PIEZO2: variants seen among roughly 807,000 people sequenced by gnomAD.
PIEZO2 encodes piezo-type mechanosensitive ion channel component 2.
Under a neutral mutation model 337.3 loss-of-function variants are expected in PIEZO2, and 172 were observed. That is an observed-to-expected ratio of 0.51 (90% confidence interval 0.45 to 0.58). PIEZO2 has a LOEUF of 0.58. Ranked by LOEUF, PIEZO2 falls within the 20% of genes least tolerant of loss-of-function variation. PIEZO2 has a pLI of 0.00. For synonymous variants in PIEZO2, 1,251 were observed against 1,228.5 expected (o/e 1.02, Z -0.38); for missense variants, 3,028 against 3,391.3 (o/e 0.89, Z 2.66).
In PIEZO2 at chr18:10,894,287, A is replaced by T. The variant is rs2042835030; in HGVS notation, c.329+16899T>A. Among the ~76,000 whole-genome samples, 1 of 151,464 alleles carries T rather than the reference A, an allele frequency of 6.6e-6. No homozygotes were observed. Among genetic ancestry groups the T allele is most frequent in the African/African-American group, 2.4e-5 (1 of 40,822 alleles). ...GCCAACATGGAGAAATCCCCTCTGT[A>T]CTAAAAATACAAAAAAAACAGCCAG... On this transcript the variant is annotated intron_variant, in intron 4 of 55. Coordinates refer to ENST00000674853, the MANE Select transcript of PIEZO2 (RefSeq NM_001378183.1). The surrounding 1 kb of genome is among the most constrained non-coding windows in gnomAD (Gnocchi z 4.1).
intron 2 of PIEZO2, among the ~76,000 whole-genome samples, chr18:10,999,820 T>G (rs762194850): frequency 1.3e-5 from 2 of 152,004 alleles, no homozygotes; most frequent in Non-Finnish European, 2.9e-5. Context: ...AAAAAGCAAA[T>G]TGATACATAA....
At chr18:10,680,130 C>T in intron 52 of PIEZO2, 69 bp downstream of exon 52, 1 of 1,362,122 alleles carries the variant, frequency 7.3e-7, no homozygotes, top group South Asian at 1.4e-5. Context: ...CCCACCACAC[C>T]CTCCCTCCCC....
At chr18:11,117,527 T>C (rs1294928324) in intron 1 of PIEZO2, among the ~76,000 whole-genome samples, 1 of 152,216 alleles carries the variant, frequency 6.6e-6, no homozygotes, top group Non-Finnish European at 1.5e-5. Flanking sequence ...GATCCTGTAC[T>C]GATTTACATA....
rs889137903 is a variant in PIEZO2, at chr18:10,702,249, T to C, written c.6259-78A>G. On this transcript the variant is annotated intron_variant, in intron 42 of 55. Coordinates refer to ENST00000674853, the MANE Select transcript of PIEZO2 (RefSeq NM_001378183.1). ...TACCTGTATATGGGAAAGAGCAATA[T>C]AACAATTAAGAAAGAGACCCGCATT... The C allele has an allele frequency of 2.1e-5, 29 of 1,365,536 alleles. No homozygotes were observed. In the African/African-American group the frequency reaches 2.4e-4, roughly 11 times the overall value. The allele number at this position is 1,365,536 out of a possible 1,614,324, so 84.6% of individuals were successfully genotyped here.
At chr18:10,884,558 C>G (rs997015860) in intron 4 of PIEZO2, among the ~76,000 whole-genome samples, 13 of 152,132 alleles carry the variant, frequency 8.5e-5, no homozygotes, top group Admixed American at 3.9e-4. Context: ...AAGTGAGAAG[C>G]AAAGCACTGG....
chr18:10,825,111 G>A (rs1482860926), intron 7 of PIEZO2, among the ~76,000 whole-genome samples: 3 of 152,058 alleles, frequency 2.0e-5, no homozygotes, highest in Non-Finnish European at 2.9e-5. Flanking sequence ...TGATCCACTC[G>A]CCTCGGCCTC....
chr18:10,696,259 A>G lies in PIEZO2; in HGVS notation c.7005T>C (p.Ser2335=), dbSNP rs965775173. ...CCGGGACCTGGTCCTCTGACAGTGA[A>G]GAGGTGATGTCTGCAGCTGCTGAGT... The part of the protein sequence containing the change: ...GKHSAAADIT[S]SLSEDQVPGP... Residue 2335 remains serine, a synonymous_variant, in exon 47 of 56, where the codon TCT becomes TCC. Coordinates refer to ENST00000674853, the MANE Select transcript of PIEZO2 (RefSeq NM_001378183.1). The G allele has an allele frequency of 1.9e-6, 3 of 1,614,108 alleles. No individual in the cohort carries two copies. Among genetic ancestry groups the G allele is most frequent in the African/African-American group, 1.3e-5 (1 of 74,938 alleles).
In PIEZO2 at chr18:11,081,543, G is replaced by T. The variant is rs546334256; in HGVS notation, c.65-15321C>A. Among the ~76,000 whole-genome samples, 320 of 152,272 alleles carry T rather than the reference G, an allele frequency of 2.1e-3. 2 individuals carry two copies. Among genetic ancestry groups the T allele is most frequent in the African/African-American group, 5.8e-3 (241 of 41,542 alleles). On this transcript the variant is annotated intron_variant, in intron 1 of 55. Transcript: ENST00000674853. ...GAAGTGCTTAACTAACACATGGGAT[G>T]CATTGCCATGATTTCACTGACCTCC...
intron 39 of PIEZO2, among the ~76,000 whole-genome samples, chr18:10,710,973 A>G (rs11663652): frequency 0.24 from 36,185 of 152,218 alleles, 4,907 homozygotes; most frequent in Non-Finnish European, 0.32. Flanking sequence ...AAATAAAAAT[A>G]CATTAAAACC....
At chr18:10,996,896 A>G (rs2035343032) in intron 2 of PIEZO2, among the ~76,000 whole-genome samples, 1 of 152,178 alleles carries the variant, frequency 6.6e-6, no homozygotes, top group South Asian at 2.1e-4. Flanking sequence ...TCCCAAATTT[A>G]TATCTCTGAC....
rs752881521 is a variant in PIEZO2, at chr18:11,092,813, C to T, written c.65-26591G>A. Among the ~76,000 whole-genome samples the T allele has an allele frequency of 1.3e-5, 2 of 152,150 alleles. No homozygotes were observed. The highest frequency in any genetic ancestry group is 2.9e-5 in the Non-Finnish European group (2 of 68,026). ...TTTATGGCATGAGGACCTTCTGTGG[C>T]CCCCTCATCCCTTCACAGGGCCACA... On this transcript the variant is annotated intron_variant, in intron 1 of 55. Coordinates refer to ENST00000674853, the MANE Select transcript of PIEZO2 (RefSeq NM_001378183.1). The surrounding 1 kb of genome is among the most constrained non-coding windows in gnomAD (Gnocchi z 4.5).
At position 10,773,052 on chromosome 18, in the gene PIEZO2, C is replaced by A; in HGVS notation, c.2785+360G>T. ...TTTCTTGAGAATGCATTTGTAAGGGCGATGTCTAGAGCCTTTGAGATTCTG... is the reference window on the plus strand; with the variant it reads ...TTTCTTGAGAATGCATTTGTAAGGGAGATGTCTAGAGCCTTTGAGATTCTG... On this transcript the variant is annotated intron_variant, in intron 20 of 55. Transcript: ENST00000674853. The surrounding 1 kb of genome is among the most constrained non-coding windows in gnomAD (Gnocchi z 5.3). 6.6e-6 allele frequency among the ~76,000 whole-genome samples: 1 copy of A among 152,150 alleles called. No homozygotes were observed. The highest frequency in any genetic ancestry group is 1.9e-4 in the East Asian group (1 of 5,192).
At chr18:11,008,221 A>G (rs1456654354) in intron 2 of PIEZO2, among the ~76,000 whole-genome samples, 3 of 152,114 alleles carry the variant, frequency 2.0e-5, no homozygotes, top group African/African-American at 7.2e-5. Context: ...TACTGACCAA[A>G]CTACCTTTGC....
In PIEZO2 at chr18:11,096,032, T is replaced by C. The variant is rs141794226; in HGVS notation, c.65-29810A>G. ...CTTGTGTGTGTGCCCAAGGAGAGAC[T>C]ATGAGAGGGAGGCAGCTTTGCCTCC... On this transcript the variant is annotated intron_variant, in intron 1 of 55. Transcript: ENST00000674853. This position sits in a 1 kb window ranked among gnomAD's most constrained non-coding sequence, Gnocchi z 4.6. Among the ~76,000 whole-genome samples, 420 of 152,324 alleles carry C rather than the reference T, an allele frequency of 2.8e-3. No homozygotes were observed. Among genetic ancestry groups the C allele is most frequent in the African/African-American group, 9.4e-3 (391 of 41,564 alleles).
Position 10,856,986 on chromosome 18 carries a change from G to T in PIEZO2, c.703+15C>A. On this transcript the variant is annotated intron_variant, in intron 6 of 55. Transcript: ENST00000674853. The surrounding 1 kb of genome is among the most constrained non-coding windows in gnomAD (Gnocchi z 4.7). ...GTGCCTTTTGCTACGTGCAGCCAGT[G>T]TGGGAGACACTCACCCGAGGAGCCC... The T allele has an allele frequency of 1.3e-6, 2 of 1,536,314 alleles. No homozygotes were observed. Among genetic ancestry groups the T allele is most frequent in the Non-Finnish European group, 1.7e-6 (2 of 1,146,160 alleles).
intron 3 of PIEZO2, among the ~76,000 whole-genome samples, chr18:10,931,691 CTG>C (rs1188201555): frequency 1.4e-5 from 2 of 141,264 alleles, no homozygotes; most frequent in African/African-American, 2.8e-5. Context: ...CACTCTTTCT[CTG>C]TGTGGTGTGT....
At position 11,035,529 on chromosome 18, in the gene PIEZO2, G is replaced by A. The variant is rs73398506; in HGVS notation, c.160+30598C>T. ...GCCTCAGATATTCCTTTAGAGCAAT[G>A]CAAAATGGGCTAACACAACTCCTCT... On this transcript the variant is annotated intron_variant, in intron 2 of 55. Transcript: ENST00000674853. The surrounding 1 kb of genome is among the most constrained non-coding windows in gnomAD (Gnocchi z 4.3). Among the ~76,000 whole-genome samples the A allele has an allele frequency of 1.1e-3, 166 of 152,244 alleles. No individual in the cohort carries two copies. Among genetic ancestry groups the A allele is most frequent in the African/African-American group, 3.8e-3 (157 of 41,552 alleles).
Position 10,988,365 on chromosome 18 carries a change from G to C in PIEZO2, c.161-8705C>G, listed in dbSNP as rs990537730. Among the ~76,000 whole-genome samples the C allele has an allele frequency of 6.6e-6, 1 of 152,072 alleles. No homozygotes were observed. The highest frequency in any genetic ancestry group is 1.9e-4 in the East Asian group (1 of 5,198). On this transcript the variant is annotated intron_variant, in intron 2 of 55. Coordinates refer to ENST00000674853, the MANE Select transcript of PIEZO2 (RefSeq NM_001378183.1). The surrounding 1 kb of genome is among the most constrained non-coding windows in gnomAD (Gnocchi z 4.8). ...TAAATTATCCAGTCTGTGACATTTCGTTTAGCAGCACAAATGTATTAAGAA... is the reference window on the plus strand; with the variant it reads ...TAAATTATCCAGTCTGTGACATTTCCTTTAGCAGCACAAATGTATTAAGAA...
chr18:11,066,257 C>T (rs764758227), intron 1 of PIEZO2, 35 bp from the exon 2 acceptor site: 1 of 1,497,746 alleles, frequency 6.7e-7, no homozygotes, highest in South Asian at 1.2e-5. Context: ...GTGAGAAGAT[C>T]ATTAACAAAG....
Sources: gnomAD v4.1 joint callset for allele counts (sites outside exome capture counted in the v4.1 genomes callset) on GRCh38, gnomAD v4.1.1 for gene constraint, Gnocchi (gnomAD v3.1) non-coding constraint, MANE v1.5 for transcripts, NCBI Gene and HGNC (gene_info 2026-07-23, HGNC 2026-07-21) for gene names.